Variants in CREB5 observed in about 807,000 individuals in gnomAD.
CREB5 encodes cyclic AMP-responsive element-binding protein 5.
In CREB5, 19 loss-of-function variants were observed where a neutral mutation model predicts 57.1. That is an observed-to-expected ratio of 0.33 (90% CI 0.23 to 0.49). The LOEUF (loss-of-function observed/expected upper bound fraction) is 0.49. Among genes scored for constraint, CREB5 ranks in the 20% least tolerant of loss-of-function variants. The probability of loss-of-function intolerance (pLI) is 0.99; values close to 1 mark genes in which losing one functional copy is unlikely to be tolerated. For missense variants in CREB5, 579 were observed against 671.6 expected, an observed-to-expected ratio of 0.86 and a Z score of 1.52; for synonymous variants, 238 against 238.3, an observed-to-expected ratio of 1.00 and a Z score of 0.01.
At chr7:28,558,562 A>G (rs1020409994) in intron 4 of CREB5, among the ~76,000 whole-genome samples, 12 of 152,208 alleles carry the variant, frequency 7.9e-5, no homozygotes, top group Admixed American at 2.0e-4. Flanking sequence ...TAATTTGCCA[A>G]CTATTCCAGA....
chr7:28,792,176 C>A (rs187714703), intron 7 of CREB5, among the ~76,000 whole-genome samples: 103 of 152,082 alleles, frequency 6.8e-4, no homozygotes, highest in African/African-American at 2.3e-3. Context: ...TGGTTACAAT[C>A]GCCTGTAATC....
intron 5 of CREB5, among the ~76,000 whole-genome samples, chr7:28,618,355 C>T (rs62443820): frequency 5.3e-5 from 8 of 152,144 alleles, no homozygotes; most frequent in African/African-American, 1.4e-4. Flanking sequence ...GCACCAACTG[C>T]ACTCCTCCTG....
At chr7:28,319,502 A>G (rs1226818537) in intron 1 of CREB5, among the ~76,000 whole-genome samples, 1 of 152,210 alleles carries the variant, frequency 6.6e-6, no homozygotes, top group Non-Finnish European at 1.5e-5. Context: ...ACAAAAGATA[A>G]AGAGGAGGCT....
intron 1 of CREB5, among the ~76,000 whole-genome samples, chr7:28,450,842 T>A (rs1024171009): frequency 6.6e-6 from 1 of 152,056 alleles, no homozygotes; most frequent in African/African-American, 2.4e-5. Flanking sequence ...GTGTTTGGAG[T>A]GGTTGGTGAT....
intron 1 of CREB5, among the ~76,000 whole-genome samples, chr7:28,393,698 G>A (rs2127998279): frequency 1.3e-5 from 2 of 152,340 alleles, no homozygotes; most frequent in Middle Eastern, 6.8e-3. Context: ...AGGAATGAGA[G>A]CAACATTGTA....
intron 1 of CREB5, among the ~76,000 whole-genome samples, chr7:28,334,882 A>G (rs1474544086): frequency 6.6e-6 from 1 of 152,156 alleles, no homozygotes; most frequent in Non-Finnish European, 1.5e-5. Flanking sequence ...ATTTTTGTAT[A>G]TGGTGAGAAA....
chr7:28,403,064 C>A (rs972650324), intron 1 of CREB5, among the ~76,000 whole-genome samples: 7 of 152,146 alleles, frequency 4.6e-5, no homozygotes, highest in African/African-American at 1.7e-4. Flanking sequence ...AATTATACAA[C>A]CACTGGTGTA....
intron 7 of CREB5, among the ~76,000 whole-genome samples, chr7:28,730,280 C>A (rs1803543167): frequency 6.6e-6 from 1 of 152,072 alleles, no homozygotes. Context: ...AACTTGCAGG[C>A]TCAAGTAATC....
In CREB5 at chr7:28,570,410, G is replaced by A. The variant is rs143789664; in HGVS notation, c.337G>A (p.Gly113Arg). 52 of 1,613,960 alleles carry A rather than the reference G, an allele frequency of 3.2e-5. No homozygotes were observed. Among genetic ancestry groups the A allele is most frequent in the African/African-American group, 1.9e-4 (14 of 74,916 alleles). ...AGTTGGTGGGGCCATGACGGGGCCC[G>A]GAACTCACCAGCTTAGCAGCGCTCG... ...NAVGGAMTGP[G>R]THQLSSARLP... The change falls in exon 5 of 11, where the codon GGA becomes AGA. Residue 113 changes from glycine to arginine, a missense_variant. By Grantham distance (125) the Gly-to-Arg change is moderately radical. This residue lies in a region of CREB5 where 459 missense variants were observed against 515.7 expected (regional missense o/e 0.89). Coordinates refer to ENST00000357727, the MANE Select transcript of CREB5 (RefSeq NM_182898.4).
chr7:28,341,398 C>A (rs1005878634), intron 1 of CREB5, among the ~76,000 whole-genome samples: 2 of 152,076 alleles, frequency 1.3e-5, no homozygotes, highest in Non-Finnish European at 2.9e-5. Flanking sequence ...TCATTCACAC[C>A]CAATAAGCAG....
chr7:28,692,976 A>G (rs1029706126), intron 5 of CREB5, among the ~76,000 whole-genome samples: 9 of 152,216 alleles, frequency 5.9e-5, no homozygotes, highest in African/African-American at 1.9e-4. Flanking sequence ...GAACTCATTT[A>G]ATGATTGATG....
intron 1 of CREB5, among the ~76,000 whole-genome samples, chr7:28,317,897 T>A (rs1444329362): frequency 6.6e-6 from 1 of 152,202 alleles, no homozygotes; most frequent in Non-Finnish European, 1.5e-5. Flanking sequence ...ATAGAGTAGA[T>A]GGCCATTCAG....
At chr7:28,544,876 A>G (rs1390234604) in intron 4 of CREB5, among the ~76,000 whole-genome samples, 2 of 152,218 alleles carry the variant, frequency 1.3e-5, no homozygotes, top group Non-Finnish European at 2.9e-5. Flanking sequence ...CAGTGTGCAG[A>G]GGCTGCAAGA....
intron 1 of CREB5, among the ~76,000 whole-genome samples, chr7:28,337,278 G>A (rs1420375112): frequency 6.6e-6 from 1 of 152,034 alleles, no homozygotes; most frequent in Non-Finnish European, 1.5e-5. Flanking sequence ...TCTATCTAAT[G>A]TTGAAAGCGT....
intron 1 of CREB5, among the ~76,000 whole-genome samples, chr7:28,377,916 A>T (rs1342492875): frequency 1.7e-5 from 2 of 117,368 alleles, no homozygotes; most frequent in Admixed American, 1.2e-4. Context: ...TGGGAGACAG[A>T]GCGAGACTCT....
intron 4 of CREB5, among the ~76,000 whole-genome samples, chr7:28,560,921 TGCGCGTGC>T (rs1562797842): frequency 3.7e-4 from 15 of 40,568 alleles, no homozygotes; most frequent in Middle Eastern, 0.01. Flanking sequence ...TGTGCGTGTG[TGCGCGTGC>T]GTGTGTGCGT....
In CREB5 at chr7:28,560,919, T is replaced by TGCGTGC. The variant is rs1562797827; in HGVS notation, c.292-9445_292-9444insCGTGCG. On this transcript the variant is annotated intron_variant, in intron 4 of 10. Transcript: ENST00000357727. The stretch of plus-strand genomic sequence containing the variant: ...GTGCGTGCGCGCGTGCGTGTGCGTG[T>TGCGTGC]GTGCGCGTGCGTGTGTGCGTGCGTG... 8.6e-4 allele frequency among the ~76,000 whole-genome samples: 37 copies of TGCGTGC among 42,994 alleles called. 8 individuals carry two copies. Among genetic ancestry groups the TGCGTGC allele is most frequent in the Non-Finnish European group, 1.4e-3 (32 of 22,260 alleles). 28.2% of individuals were successfully genotyped at this position (42,994 alleles called of 152,430 possible).
chr7:28,652,159 T>C (rs970037109), intron 5 of CREB5, among the ~76,000 whole-genome samples: 3 of 152,188 alleles, frequency 2.0e-5, no homozygotes, highest in Non-Finnish European at 4.4e-5. Flanking sequence ...CTGATAGCCA[T>C]ATTTCAATTT....
intron 5 of CREB5, among the ~76,000 whole-genome samples, chr7:28,588,061 G>C (rs1720395702): frequency 1.3e-5 from 2 of 152,170 alleles, no homozygotes; most frequent in South Asian, 4.1e-4. Flanking sequence ...GACACAAAGG[G>C]ATAATTCAAC....
Sources: gnomAD v4.1 joint callset for allele counts (sites outside exome capture counted in the v4.1 genomes callset) on GRCh38, gnomAD v4.1.1 for gene constraint, gnomAD v4.1.1 regional missense constraint, MANE v1.5 for transcripts, NCBI Gene and HGNC (gene_info 2026-07-23, HGNC 2026-07-21) for gene names.